GABBR2: variants seen among roughly 807,000 people sequenced by gnomAD.
GABBR2 encodes G-protein coupled receptor 51.
In GABBR2, 23 loss-of-function variants were observed where a neutral mutation model predicts 105.6. The ratio of observed to expected loss-of-function variants is 0.22; its 90% confidence interval spans 0.16 to 0.31. The LOEUF (loss-of-function observed/expected upper bound fraction) is 0.31, where lower values mean the gene tolerates loss of function less well. Ranked by LOEUF, GABBR2 falls within the 10% of genes least tolerant of loss-of-function variation. GABBR2 has a pLI of 1.00. For synonymous variants in GABBR2, 478 were observed against 499.7 expected (o/e 0.96, Z 0.58); for missense variants, 734 against 1,245.5 (o/e 0.59, Z 6.18).
chr9:98,512,925 C>CA (rs1329589378), intron 3 of GABBR2, among the ~76,000 whole-genome samples: 2 of 151,818 alleles, frequency 1.3e-5, no homozygotes, highest in Non-Finnish European at 2.9e-5. Context: ...CATATGGAAC[C>CA]AAAAAAGAGC....
chr9:98,293,863 T>C lies in GABBR2; in HGVS notation c.2582A>G (p.Asn861Ser). 1 of 1,612,676 alleles carries C rather than the reference T, an allele frequency of 6.2e-7. No homozygotes were observed. Among genetic ancestry groups the C allele is most frequent in the Non-Finnish European group, 8.5e-7 (1 of 1,178,710 alleles). ...KAILKNHLDQ[N>S]PQLQWNTTEP... ...TGTTGTGTTCCACTGTAGCTGGGGA[T>C]TTTGATCGAGGTGATTTTTTAAAAT... Residue 861 changes from asparagine (N) to serine (S), a missense_variant, in exon 18 of 19, where the codon AAT becomes AGT. Around this residue, in one of 7 missense-constraint regions of GABBR2, gnomAD observed 134 missense variants for 171.2 expected, o/e 0.78. Coordinates refer to ENST00000259455, the MANE Select transcript of GABBR2 (RefSeq NM_005458.8).
At chr9:98,514,640 G>C (rs1827721145) in intron 3 of GABBR2, among the ~76,000 whole-genome samples, 1 of 118,028 alleles carries the variant, frequency 8.5e-6, no homozygotes, top group Middle Eastern at 5.2e-3. Flanking sequence ...CACACACCGG[G>C]GACTGTTGTA....
intron 1 of GABBR2, among the ~76,000 whole-genome samples, chr9:98,579,360 C>A (rs913472737): frequency 1.3e-5 from 2 of 152,150 alleles, no homozygotes; most frequent in African/African-American, 2.4e-5. Context: ...GGGCCCACGA[C>A]GAGTATCAGG....
At chr9:98,489,298 CAGA>C (rs1469058491) in intron 4 of GABBR2, among the ~76,000 whole-genome samples, 8 of 152,118 alleles carry the variant, frequency 5.3e-5, no homozygotes, top group Non-Finnish European at 1.0e-4. Context: ...TGGATGAGGT[CAGA>C]AGAAGAGGCT....
At chr9:98,401,937 G>GT (rs1469472611) in intron 8 of GABBR2, among the ~76,000 whole-genome samples, 2 of 152,182 alleles carry the variant, frequency 1.3e-5, no homozygotes, top group African/African-American at 4.8e-5. Flanking sequence ...GAATACAACC[G>GT]TATCTGTTAC....
intron 1 of GABBR2, among the ~76,000 whole-genome samples, chr9:98,698,826 G>A (rs1053322655): frequency 3.9e-5 from 6 of 152,034 alleles, no homozygotes; most frequent in African/African-American, 1.4e-4. Flanking sequence ...TATCTAGTTT[G>A]GGGTCCAGAC....
At chr9:98,357,417 G>A (rs1831502967) in intron 13 of GABBR2, among the ~76,000 whole-genome samples, 1 of 152,154 alleles carries the variant, frequency 6.6e-6, no homozygotes, top group Admixed American at 6.5e-5. Context: ...GGAGGCCAGG[G>A]CAGGTGGAAT....
intron 13 of GABBR2, among the ~76,000 whole-genome samples, chr9:98,334,371 C>T (rs1254043691): frequency 6.6e-6 from 1 of 152,210 alleles, no homozygotes; most frequent in African/African-American, 2.4e-5. Flanking sequence ...GGAAGGGATA[C>T]TGACTCATCC....
At chr9:98,354,543 A>G (rs1588118030) in intron 13 of GABBR2, among the ~76,000 whole-genome samples, 1 of 152,376 alleles carries the variant, frequency 6.6e-6, no homozygotes, top group Admixed American at 6.5e-5. Context: ...TAGCTTCTGT[A>G]TCAGCACTTG....
intron 11 of GABBR2, among the ~76,000 whole-genome samples, chr9:98,381,811 GCCTTCCCCGGCTTCCCAGGACAA>G (rs1201687996): frequency 1.3e-5 from 2 of 152,146 alleles, no homozygotes; most frequent in Admixed American, 1.3e-4. Flanking sequence ...ATTCATATCA[GCCTTCCCCGGCTTCCCAGGACAA>G]CCTTCCCCTC....
intron 13 of GABBR2, among the ~76,000 whole-genome samples, chr9:98,353,562 G>T (rs1831436782): frequency 6.6e-6 from 1 of 152,290 alleles, no homozygotes; most frequent in East Asian, 1.9e-4. Context: ...AGTCTTATGA[G>T]ATGTATTTCT....
chr9:98,511,325 CT>C (rs1827638196), intron 3 of GABBR2, among the ~76,000 whole-genome samples: 1 of 150,458 alleles, frequency 6.6e-6, no homozygotes, highest in African/African-American at 2.5e-5. Context: ...AATTGACACC[CT>C]AACATCACAA....
intron 1 of GABBR2, among the ~76,000 whole-genome samples, chr9:98,663,710 C>G (rs1383749868): frequency 1.3e-5 from 2 of 149,510 alleles, no homozygotes; most frequent in South Asian, 4.3e-4. Context: ...GGACCTGAGA[C>G]ATTTTGCAGA....
At chr9:98,684,360 C>CA (rs1425579782) in intron 1 of GABBR2, among the ~76,000 whole-genome samples, 2 of 151,898 alleles carry the variant, frequency 1.3e-5, no homozygotes, top group African/African-American at 2.4e-5. Context: ...AAATTTTCTA[C>CA]AAAAAACATA....
chr9:98,323,575 C>A (rs1347142864), intron 13 of GABBR2, among the ~76,000 whole-genome samples: 1 of 152,196 alleles, frequency 6.6e-6, no homozygotes, highest in African/African-American at 2.4e-5. Context: ...AGATCTGTGG[C>A]CCCTAAAGTG....
chr9:98,702,387 G>T (rs1322446402), intron 1 of GABBR2, among the ~76,000 whole-genome samples: 1 of 151,914 alleles, frequency 6.6e-6, no homozygotes, highest in African/African-American at 2.4e-5. Flanking sequence ...CTCCATTCAG[G>T]CCCCATCACC....
intron 6 of GABBR2, among the ~76,000 whole-genome samples, chr9:98,461,551 C>T (rs1354738512): frequency 6.6e-6 from 1 of 151,888 alleles, no homozygotes; most frequent in African/African-American, 2.4e-5. Flanking sequence ...TATTTCAGAC[C>T]ATACATAAAA....
At chr9:98,332,707 T>C (rs1038129352) in intron 13 of GABBR2, among the ~76,000 whole-genome samples, 3 of 152,224 alleles carry the variant, frequency 2.0e-5, no homozygotes, top group Non-Finnish European at 4.4e-5. Context: ...GGTATGAACA[T>C]GCAATCTCTC....
intron 6 of GABBR2, among the ~76,000 whole-genome samples, chr9:98,469,745 C>T (rs1018948175): frequency 2.0e-5 from 3 of 152,210 alleles, no homozygotes; most frequent in African/African-American, 7.2e-5. Flanking sequence ...CTTTCGTGAT[C>T]TTGGGATGTC....
Sources: gnomAD v4.1 joint callset for allele counts (sites outside exome capture counted in the v4.1 genomes callset) on GRCh38, gnomAD v4.1.1 for gene constraint, gnomAD v4.1.1 regional missense constraint, MANE v1.5 for transcripts, NCBI Gene and HGNC (gene_info 2026-07-23, HGNC 2026-07-21) for gene names.